Variants in USP39 observed in about 807,000 individuals in gnomAD.
The protein encoded by USP39 is ubiquitin carboxyl-terminal hydrolase 39.
A neutral mutation model predicts 66.4 loss-of-function variants in USP39; 38 were observed. The observed-to-expected ratio is 0.57, with a 90% confidence interval of 0.44 to 0.75. The LOEUF is 0.75. USP39 is among the 30% of genes least tolerant of loss of function. The pLI, the probability that USP39 is intolerant of heterozygous loss-of-function variation, is 0.00. For missense variants in USP39, 608 were observed against 714.4 expected (o/e 0.85, Z 1.70); for synonymous variants, 303 against 274.6 (o/e 1.10, Z -1.02).
rs1321505131 is a variant in USP39, at chr2:85,623,637, T to G, written c.434-9T>G. 1 of 1,611,142 alleles carries G rather than the reference T, an allele frequency of 6.2e-7. No individual in the cohort carries two copies. Among genetic ancestry groups the G allele is most frequent in the Admixed American group, 1.7e-5 (1 of 59,446 alleles). On this transcript the variant is annotated splice_polypyrimidine_tract_variant and intron_variant, in intron 3 of 12. Coordinates refer to ENST00000323701, the MANE Select transcript of USP39 (RefSeq NM_006590.4). ...CCCTTCTATTACAGCTTTTCACCCT[T>G]CCCTACAGGCCGGGGTTTGAAGTCT...
chr2:85,621,259 A>G, intron 2 of USP39: 1 of 435,604 alleles, frequency 2.3e-6, no homozygotes, highest in Non-Finnish European at 4.2e-6. Context: ...CTAATGAGAA[A>G]GAGGCTCGTG....
At chr2:85,619,383 T>C (rs1336910009) in intron 2 of USP39, 94 bp downstream of exon 2, 26 of 1,351,388 alleles carry the variant, frequency 1.9e-5, no homozygotes, top group Non-Finnish European at 2.5e-5. Context: ...ATTGACAAAC[T>C]TTACTTTTTT....
Position 85,639,246 on chromosome 2 carries a change from A to G in USP39, c.1139A>G (p.Gln380Arg), listed in dbSNP as rs372439936. ...KEQLLHNDEYQETMVESTFMY... is the reference protein window; with the variant it reads ...KEQLLHNDEYRETMVESTFMY... Reference sequence around the variant, plus strand: ...CAGTTGCTCCATAATGACGAGTACCAGGAGACAATGGTGGAGTCCACTTTT... The same window carrying G: ...CAGTTGCTCCATAATGACGAGTACCGGGAGACAATGGTGGAGTCCACTTTT... Residue 380 changes from glutamine (Q) to arginine (R), a missense_variant, in exon 9 of 13, where the codon CAG becomes CGG. Gln to Arg is a conservative substitution (Grantham distance 43). Transcript: ENST00000323701. The G allele has an allele frequency of 1.2e-6, 2 of 1,613,816 alleles. No homozygotes were observed. The highest frequency in any genetic ancestry group is 2.7e-5 in the African/African-American group (2 of 74,876).
chr2:85,641,787 C>T (rs912174734), intron 10 of USP39, among the ~76,000 whole-genome samples: 5 of 151,434 alleles, frequency 3.3e-5, no homozygotes, highest in Non-Finnish European at 5.9e-5. Context: ...ACCTGCAGTC[C>T]TAGGTACTTG....
chr2:85,637,335 C>T (rs1206244237), intron 7 of USP39, 34 bp from the exon 8 acceptor site: 2 of 1,611,302 alleles, frequency 1.2e-6, no homozygotes, highest in Non-Finnish European at 1.7e-6. Flanking sequence ...TTTCCATCCT[C>T]ACGGAATTTG....
chr2:85,621,619 AG>A (rs1314949622), intron 3 of USP39, 40 bp downstream of exon 3: 2 of 1,425,788 alleles, frequency 1.4e-6, no homozygotes, highest in African/African-American at 4.4e-5. Context: ...TCTGCTCCAG[AG>A]GGACTTTTTT....
At position 85,616,520 on chromosome 2, in the gene USP39, T is replaced by C. The variant is rs1673970051; in HGVS notation, c.268+57T>C. ...AGCCTGTTTTTTTCGCGTCCTTTTT[T>C]CTTGTCTCTAATCTTCCGCTAGGTC... On this transcript the variant is annotated intron_variant, in intron 1 of 12. Coordinates refer to ENST00000323701, the MANE Select transcript of USP39 (RefSeq NM_006590.4). 13 of 1,373,984 alleles carry C rather than the reference T, an allele frequency of 9.5e-6. No individual in the cohort carries two copies. The South Asian group carries it at 2.0e-4, about 21-fold the overall frequency. 85.1% of individuals were successfully genotyped at this position (1,373,984 alleles called of 1,614,324 possible).
intron 6 of USP39, 26 bp from the exon 7 acceptor site, chr2:85,636,027 G>C: frequency 6.2e-7 from 1 of 1,612,668 alleles, no homozygotes; most frequent in East Asian, 2.2e-5. Flanking sequence ...TAGCTTCAAC[G>C]TTTTCCACCC....
intron 9 of USP39, 89 bp downstream of exon 9, chr2:85,639,480 G>T: frequency 1.0e-5 from 14 of 1,367,588 alleles, no homozygotes; most frequent in South Asian, 4.4e-5. Context: ...TCAAGACAGA[G>T]TTTTGCTCTT....
intron 1 of USP39, among the ~76,000 whole-genome samples, chr2:85,617,842 T>TACAAGA (rs1674115409): frequency 6.6e-6 from 1 of 152,308 alleles, no homozygotes; most frequent in East Asian, 1.9e-4. Context: ...TCACATGCTT[T>TACAAGA]CCATCAGCAT....
intron 2 of USP39, among the ~76,000 whole-genome samples, chr2:85,619,873 A>T (rs886351549): frequency 6.7e-6 from 1 of 148,966 alleles, no homozygotes; most frequent in Non-Finnish European, 1.5e-5. Flanking sequence ...TTTTTTTTTG[A>T]GATGGAGTTT....
chr2:85,607,457 C>T (rs189837958), upstream of USP39: 1 of 152,206 alleles, frequency 6.6e-6, no homozygotes, highest in African/African-American at 2.4e-5. Flanking sequence ...GGCACTTAAC[C>T]TTGACCAGCT....
At chr2:85,608,977 C>T (rs1404273617), upstream of USP39, 1 of 1,614,104 alleles carries the variant, frequency 6.2e-7, no homozygotes, top group Non-Finnish European at 8.5e-7. Context: ...GCAATCTCCT[C>T]CTGGATACGC....
chr2:85,620,400 A>C (rs964280660), intron 2 of USP39, among the ~76,000 whole-genome samples: 1 of 151,040 alleles, frequency 6.6e-6, no homozygotes, highest in Non-Finnish European at 1.5e-5. Flanking sequence ...GATTGCTTGA[A>C]CCTAGGAGGT....
chr2:85,645,106 A>T (rs749473456), intron 11 of USP39, 23 bp downstream of exon 11: 13 of 1,613,846 alleles, frequency 8.1e-6, no homozygotes, highest in Non-Finnish European at 1.1e-5. Flanking sequence ...TGACCGTCTC[A>T]TGGCACAGAG....
upstream of USP39, chr2:85,609,332 C>T (rs574973523): frequency 7.4e-6 from 11 of 1,482,540 alleles, no homozygotes; most frequent in Admixed American, 4.0e-5. Flanking sequence ...GTGGAGCAGA[C>T]GCTTCCCATT....
intron 9 of USP39, among the ~76,000 whole-genome samples, chr2:85,640,085 C>T (rs967344102): frequency 2.0e-5 from 3 of 151,946 alleles, no homozygotes; most frequent in African/African-American, 7.3e-5. Flanking sequence ...TTGCCCAGGC[C>T]ATTCTTTAAC....
rs143344250 is a variant in USP39 at position 85,645,063 on chromosome 2, C to A, written c.1543C>A (p.Arg515=). The change falls in exon 11 of 13, where the codon CGG becomes AGG. Residue 515 remains arginine (R), a synonymous_variant. Transcript: ENST00000323701. The part of the protein sequence containing the change: ...HDGKPSEGSY[R]IHVLHHGTGK... ...CGGCAAGCCCTCCGAGGGCTCCTAC[C>A]GGATCCACGTGCTTCATCATGTGAG... is the stretch of plus-strand genomic sequence containing the variant. The A allele has an allele frequency of 1.9e-6, 3 of 1,614,008 alleles. No individual in the cohort carries two copies. In the African/African-American group the frequency reaches 4.0e-5, roughly 22 times the overall value.
At chr2:85,609,557 A>ATC, upstream of USP39, 1 of 1,614,212 alleles carries the variant, frequency 6.2e-7, no homozygotes, top group Non-Finnish European at 8.5e-7. Context: ...GACTCTTCAT[A>ATC]GTCTGGGTTG....
Sources: allele counts gnomAD v4.1 joint callset (sites outside exome capture counted in the v4.1 genomes callset), GRCh38; gene constraint gnomAD v4.1.1; transcripts MANE v1.5; gene names NCBI Gene and HGNC (gene_info 2026-07-23, HGNC 2026-07-21).